The following DAB1 variants were observed in gnomAD, a reference collection of about 807,000 sequenced individuals.
The protein encoded by DAB1 is disabled homolog 1.
A neutral mutation model predicts 64.6 loss-of-function variants in DAB1; 15 were observed. That is an observed-to-expected ratio of 0.23 (90% CI 0.16 to 0.36). DAB1 has a LOEUF of 0.36. Ranked by LOEUF, DAB1 falls within the 10% of genes least tolerant of loss-of-function variation. DAB1 has a pLI of 1.00. For synonymous variants in DAB1, 235 were observed against 251.9 expected, an observed-to-expected ratio of 0.93 and a Z score of 0.64; for missense variants, 596 against 706.7, an observed-to-expected ratio of 0.84 and a Z score of 1.78.
chr1:57,413,805 T>A (rs1489878084), intron 1 of DAB1, among the ~76,000 whole-genome samples: 1 of 151,350 alleles, frequency 6.6e-6, no homozygotes, highest in Non-Finnish European at 1.5e-5. Flanking sequence ...CATTTGTGAT[T>A]CATGAAAGGA....
At chr1:57,843,437 C>T (rs1457789359) in intron 1 of DAB1, among the ~76,000 whole-genome samples, 1 of 152,060 alleles carries the variant, frequency 6.6e-6, no homozygotes, top group African/African-American at 2.4e-5. Flanking sequence ...CAAAATGGGA[C>T]TAATGATACC....
intron 1 of DAB1, among the ~76,000 whole-genome samples, chr1:57,361,453 ATTATGG>A (rs1679543584): frequency 6.6e-6 from 1 of 152,198 alleles, no homozygotes; most frequent in Admixed American, 6.5e-5. Context: ...AACATATTGC[ATTATGG>A]TTCCCAATAT....
intron 2 of DAB1, among the ~76,000 whole-genome samples, chr1:57,246,774 G>A (rs1668915507): frequency 6.6e-6 from 1 of 152,248 alleles, no homozygotes; most frequent in Admixed American, 6.5e-5. Flanking sequence ...AAGGCCATAG[G>A]AGCCCACTCC....
chr1:57,182,092 A>G (rs916567699), intron 2 of DAB1, among the ~76,000 whole-genome samples: 2 of 152,070 alleles, frequency 1.3e-5, no homozygotes, highest in Admixed American at 6.6e-5. Flanking sequence ...TCACCGTGTT[A>G]GCCAGGATAG....
intron 4 of DAB1, among the ~76,000 whole-genome samples, chr1:58,296,608 G>A (rs1416812210): frequency 1.3e-5 from 2 of 152,180 alleles, no homozygotes; most frequent in African/African-American, 4.8e-5. Flanking sequence ...CCTCAGTCCT[G>A]ATTAGACTGT....
At chr1:57,810,222 A>T (rs375038163) in intron 6 of DAB1, among the ~76,000 whole-genome samples, 5 of 152,158 alleles carry the variant, frequency 3.3e-5, no homozygotes, top group African/African-American at 1.2e-4. Context: ...CACTTCTATG[A>T]TTCAGAGCTG....
intron 7 of DAB1, among the ~76,000 whole-genome samples, chr1:57,552,085 G>C (rs1001063659): frequency 1.2e-4 from 19 of 152,282 alleles, no homozygotes; most frequent in African/African-American, 4.6e-4. Flanking sequence ...CAGTAAGCAG[G>C]GCAGTGCTAC....
chr1:57,108,065 C>CT (rs1312902213), intron 4 of DAB1, among the ~76,000 whole-genome samples: 3 of 152,208 alleles, frequency 2.0e-5, no homozygotes, highest in South Asian at 2.1e-4. Flanking sequence ...TTGGTTATGT[C>CT]TTTTTTCCTG....
At chr1:57,398,129 TC>T (rs1270257072) in intron 1 of DAB1, among the ~76,000 whole-genome samples, 3 of 152,236 alleles carry the variant, frequency 2.0e-5, no homozygotes, top group African/African-American at 7.2e-5. Flanking sequence ...ATACATTTGC[TC>T]ATTCATTCAG....
Position 57,737,167 on chromosome 1 carries a change from C to T in DAB1, n.552-87502G>A, listed in dbSNP as rs571708195. ...GGAGTCAAGAGGCTAACCACCCAACCCACCTTTCTTCCATCTGACTTCCTG... is the reference window on the plus strand; with the variant it reads ...GGAGTCAAGAGGCTAACCACCCAACTCACCTTTCTTCCATCTGACTTCCTG... On this transcript the variant is annotated intron_variant and non_coding_transcript_variant, in intron 6 of 20. Coordinates refer to the DAB1 transcript ENST00000485760. 2.0e-5 allele frequency among the ~76,000 whole-genome samples: 3 copies of T among 152,144 alleles called. No homozygotes were observed. In the South Asian group the frequency reaches 6.2e-4, roughly 31 times the overall value.
chr1:58,454,406 G>A (rs1645170290), intron 3 of DAB1, among the ~76,000 whole-genome samples: 1 of 152,154 alleles, frequency 6.6e-6, no homozygotes, highest in African/African-American at 2.4e-5. Context: ...GGCCCTGGGT[G>A]GGTGAGGTCA....
intron 5 of DAB1, among the ~76,000 whole-genome samples, chr1:57,916,900 G>A (rs540235964): frequency 3.9e-4 from 59 of 151,722 alleles, no homozygotes; most frequent in Middle Eastern, 3.4e-3. Flanking sequence ...CCAAGATCGC[G>A]CCACTGCACT....
rs147976984 is a variant in DAB1, at chr1:57,086,567, C to G, written c.307-14153G>C. Among the ~76,000 whole-genome samples the G allele has an allele frequency of 3.6e-3, 547 of 151,960 alleles. 3 individuals carry two copies. Among genetic ancestry groups the G allele is most frequent in the African/African-American group, 0.013 (526 of 41,434 alleles). ...GCCTCCCCTCACTGCCTAATCCCTGCTTCCTGGTCTACAGTCCGTGACCCA... is the reference window on the plus strand; with the variant it reads ...GCCTCCCCTCACTGCCTAATCCCTGGTTCCTGGTCTACAGTCCGTGACCCA... On this transcript the variant is annotated intron_variant, in intron 4 of 14. Transcript: ENST00000371236.
intron 5 of DAB1, among the ~76,000 whole-genome samples, chr1:58,120,637 C>T (rs1341827871): frequency 6.6e-6 from 1 of 152,130 alleles, no homozygotes; most frequent in Non-Finnish European, 1.5e-5. Context: ...AAGGCAATGG[C>T]ACTAAAAGAC....
intron 5 of DAB1, among the ~76,000 whole-genome samples, chr1:57,943,274 C>T (rs757617582): frequency 6.6e-6 from 1 of 152,136 alleles, no homozygotes; most frequent in Non-Finnish European, 1.5e-5. Flanking sequence ...AAACAATGAA[C>T]ATATAATGCA....
Position 58,057,516 on chromosome 1 carries a change from C to T in DAB1, n.387+92995G>A, listed in dbSNP as rs548113426. Among the ~76,000 whole-genome samples the T allele has an allele frequency of 3.3e-5, 5 of 152,084 alleles. No individual in the cohort carries two copies. The East Asian group carries it at 5.8e-4, about 18-fold the overall frequency. ...TGTTGTCTTTATAAGAAGAGAAAAC[C>T]GAGACACACATAAGTAGAACAGCCA... On this transcript the variant is annotated intron_variant and non_coding_transcript_variant, in intron 5 of 20. Transcript: ENST00000485760.
intron 3 of DAB1, among the ~76,000 whole-genome samples, chr1:58,424,894 T>C (rs11800319): frequency 0.3 from 45,362 of 151,730 alleles, 7,165 homozygotes; most frequent in Middle Eastern, 0.35. Flanking sequence ...GATGATGTCA[T>C]TTGGTGAGGT....
intron 5 of DAB1, among the ~76,000 whole-genome samples, chr1:57,959,189 T>A (rs1199702110): frequency 6.6e-6 from 1 of 152,218 alleles, no homozygotes; most frequent in African/African-American, 2.4e-5. Flanking sequence ...TAACCTTTCA[T>A]TGAGCTTCCT....
At chr1:57,626,480 G>A (rs1230657723) in intron 7 of DAB1, among the ~76,000 whole-genome samples, 5 of 152,318 alleles carry the variant, frequency 3.3e-5, no homozygotes, top group South Asian at 2.1e-4. Context: ...GTCAGAGGAC[G>A]ATCTCATCTT....
Sources: allele counts gnomAD v4.1 joint callset (sites outside exome capture counted in the v4.1 genomes callset), GRCh38; gene constraint gnomAD v4.1.1; transcripts MANE v1.5; gene names NCBI Gene and HGNC (gene_info 2026-07-23, HGNC 2026-07-21).